Variants in LIMS2 observed in about 807,000 individuals in gnomAD.
LIMS2 encodes LIM and senescent cell antigen-like-containing domain protein 2.
In LIMS2, 30 loss-of-function variants were observed where a neutral mutation model predicts 45.3. The observed-to-expected ratio is 0.66, with a 90% confidence interval of 0.50 to 0.90. LIMS2 has a LOEUF of 0.90. Among genes scored for constraint, LIMS2 ranks in the 40% least tolerant of loss-of-function variants. The pLI is 0.00. For synonymous variants in LIMS2, 173 were observed against 188.0 expected (o/e 0.92, Z 0.65); for missense variants, 485 against 468.7 (o/e 1.03, Z -0.32).
In LIMS2 at chr2:127,641,791, T is replaced by C. The variant is rs2244759; in HGVS notation, c.660+258A>G. 532 of 452,998 alleles carry C rather than the reference T, an allele frequency of 1.2e-3. 1 individual carries two copies. Among genetic ancestry groups the C allele is most frequent in the African/African-American group, 9.3e-3 (462 of 49,876 alleles). The allele number at this position is 452,998 out of a possible 1,614,324, so 28.1% of individuals were successfully genotyped here. A position where few individuals can be genotyped will look rare whatever the true frequency, so the allele number is the denominator to read the frequency against. ...GTTTTCTCCTGACCTTGGAGTCTCT[T>C]AGAATGCCAGCAGGGGGAAGAGGAG... On this transcript the variant is annotated intron_variant, in intron 6 of 9. Transcript: ENST00000355119.
chr2:127,669,154 C>A (rs1426881098), intron 1 of LIMS2, among the ~76,000 whole-genome samples: 1 of 152,128 alleles, frequency 6.6e-6, no homozygotes, highest in Non-Finnish European at 1.5e-5. Context: ...AGTGCCAAGA[C>A]CATTCAATGG....
chr2:127,672,434 A>C lies in LIMS2; in HGVS notation c.11+2580T>G. ...GCCCCTCCATGCCCAGGTGCCTCCC[A>C]CGGCTCCCCCTCAGACTTGCCACAG... On this transcript the variant is annotated intron_variant, in intron 1 of 9. Coordinates refer to ENST00000355119, the MANE Select transcript of LIMS2 (RefSeq NM_001161403.3). The surrounding 1 kb of genome is among the most constrained non-coding windows in gnomAD (Gnocchi z 4.9). 6.6e-6 allele frequency among the ~76,000 whole-genome samples: 1 copy of C among 151,532 alleles called. No individual in the cohort carries two copies. The highest frequency in any genetic ancestry group is 6.6e-5 in the Admixed American group (1 of 15,232).
chr2:127,657,352 A>G (rs1207615516), intron 2 of LIMS2, 51 bp downstream of exon 2: 1 of 1,608,818 alleles, frequency 6.2e-7, no homozygotes, highest in Non-Finnish European at 8.5e-7. Flanking sequence ...ACCCGCTCAT[A>G]GAGGGCAGAC....
intron 1 of LIMS2, among the ~76,000 whole-genome samples, chr2:127,670,937 G>A (rs1685244497): frequency 6.6e-6 from 1 of 152,236 alleles, no homozygotes; most frequent in South Asian, 2.1e-4. Context: ...GTTCATATGT[G>A]TATTCAGTCA....
At chr2:127,659,839 T>C (rs1162846263) in intron 1 of LIMS2, among the ~76,000 whole-genome samples, 4 of 152,224 alleles carry the variant, frequency 2.6e-5, no homozygotes, top group Non-Finnish European at 5.9e-5. Context: ...CAGGAACTGC[T>C]GTTTAGGGCC....
Position 127,654,814 on chromosome 2 carries a change from C to T in LIMS2, c.238+16G>A, listed in dbSNP as rs1423536015. Reference sequence around the variant, plus strand: ...CTTCCCAGGCAGCCCAGGATGTGTACTGTCACCGGCCTTACCGCAGGATCC... The same window carrying T: ...CTTCCCAGGCAGCCCAGGATGTGTATTGTCACCGGCCTTACCGCAGGATCC... On this transcript the variant is annotated intron_variant, in intron 3 of 9. Transcript: ENST00000355119. 1.9e-6 allele frequency: 3 copies of T among 1,613,760 alleles called. No individual in the cohort carries two copies. Among genetic ancestry groups the T allele is most frequent in the Non-Finnish European group, 2.5e-6 (3 of 1,179,700 alleles).
rs1173203504 is a variant in LIMS2, at chr2:127,647,505, G to A, written c.360-4433C>T. ...ACCATGCCAGGCAGAGTGGTCAGTC[G>A]TACCTATGAGCTGCTCTCTCGTGGG... On this transcript the variant is annotated intron_variant, in intron 4 of 9. Coordinates refer to ENST00000355119, the MANE Select transcript of LIMS2 (RefSeq NM_001161403.3). The surrounding 1 kb of genome is among the most constrained non-coding windows in gnomAD (Gnocchi z 4.3). 3.3e-5 allele frequency among the ~76,000 whole-genome samples: 5 copies of A among 152,118 alleles called. No homozygotes were observed. Among genetic ancestry groups the A allele is most frequent in the South Asian group, 2.1e-4 (1 of 4,828 alleles).
In LIMS2 at chr2:127,640,059, C is replaced by T; in HGVS notation, c.878+11G>A. 6.2e-7 allele frequency: 1 copy of T among 1,613,094 alleles called. No individual in the cohort carries two copies. On this transcript the variant is annotated intron_variant, in intron 9 of 9. Coordinates refer to ENST00000355119, the MANE Select transcript of LIMS2 (RefSeq NM_001161403.3). ...CACCCTGAGCCCCATCCCACGATCACAGGGACTCACTTCAGGGTGAGCTTG... is the reference window on the plus strand; with the variant it reads ...CACCCTGAGCCCCATCCCACGATCATAGGGACTCACTTCAGGGTGAGCTTG...
Position 127,653,407 on chromosome 2 carries a change from C to A in LIMS2, c.359+1017G>T, listed in dbSNP as rs1388922348. ...CATTGCGTTTGGGATGCCTGGTGGACACCAAGTGGAGGTGACATGTGGGCA... is the reference window on the plus strand; with the variant it reads ...CATTGCGTTTGGGATGCCTGGTGGAAACCAAGTGGAGGTGACATGTGGGCA... On this transcript the variant is annotated intron_variant, in intron 4 of 9. Transcript: ENST00000355119. This position sits in a 1 kb window ranked among gnomAD's most constrained non-coding sequence, Gnocchi z 5.3. Among the ~76,000 whole-genome samples, 1 of 152,164 alleles carries A rather than the reference C, an allele frequency of 6.6e-6. No homozygotes were observed. The highest frequency in any genetic ancestry group is 1.5e-5 in the Non-Finnish European group (1 of 68,034).
rs756870297 is a variant in LIMS2, at chr2:127,640,918, T to C, written c.731A>G (p.Tyr244Cys). The C allele has an allele frequency of 6.2e-7, 1 of 1,613,850 alleles. No homozygotes were observed. Among genetic ancestry groups the C allele is most frequent in the Non-Finnish European group, 8.5e-7 (1 of 1,179,906 alleles). The change falls in exon 7 of 10, where the codon TAC becomes TGC. Residue 244 changes from tyrosine (Y) to cysteine (C), a missense_variant. Tyr to Cys is a radical substitution (Grantham distance 194, BLOSUM62 -2). Coordinates refer to ENST00000355119, the MANE Select transcript of LIMS2 (RefSeq NM_001161403.3). ...CACCTGGTTGTAGTGAGTCTCGCAG[T>C]AGGCCAGGCCCTTCTTCTCATAGTG... ...HRHYEKKGLA[Y>C]CETHYNQLFG...
intron 6 of LIMS2, 42 bp from the exon 7 acceptor site, chr2:127,641,030 G>A (rs770039649): frequency 6.4e-7 from 1 of 1,552,000 alleles, no homozygotes; most frequent in South Asian, 1.1e-5. Context: ...CAGGGCTAGA[G>A]CGGTGACCCC....
Position 127,650,398 on chromosome 2 carries a change from T to G in LIMS2, c.359+4026A>C, listed in dbSNP as rs187622673. Reference sequence around the variant, plus strand: ...GAGCCTCACCCAGGCAAGGCTCACGTCCCATTCCCCGCCATGGCACTGACC... The same window carrying G: ...GAGCCTCACCCAGGCAAGGCTCACGGCCCATTCCCCGCCATGGCACTGACC... On this transcript the variant is annotated intron_variant, in intron 4 of 9. Coordinates refer to ENST00000355119, the MANE Select transcript of LIMS2 (RefSeq NM_001161403.3). 524 of 533,448 alleles carry G rather than the reference T, an allele frequency of 9.8e-4. 3 individuals are homozygous for G. Among genetic ancestry groups the G allele is most frequent in the East Asian group, 1.5e-3 (46 of 31,368 alleles). 33.0% of individuals were successfully genotyped at this position (533,448 alleles called of 1,614,324 possible). A position where few individuals can be genotyped will look rare whatever the true frequency, so the allele number is the denominator to read the frequency against.
intron 9 of LIMS2, 136 bp downstream of exon 9, chr2:127,639,934 T>G: frequency 1.1e-6 from 1 of 879,666 alleles, no homozygotes; most frequent in Non-Finnish European, 1.8e-6. Context: ...CCCTGGGTGG[T>G]ATAAGGCCGG....
In LIMS2 at chr2:127,647,220, T is replaced by G. The variant is rs1683085048; in HGVS notation, c.360-4148A>C. On this transcript the variant is annotated intron_variant, in intron 4 of 9. Transcript: ENST00000355119. This position sits in a 1 kb window ranked among gnomAD's most constrained non-coding sequence, Gnocchi z 4.3. Reference sequence around the variant, plus strand: ...CATTCTCATTTCATACATGGGCCCCTAAAATGAGGGAGTGGCCCCAGGGCC... The same window carrying G: ...CATTCTCATTTCATACATGGGCCCCGAAAATGAGGGAGTGGCCCCAGGGCC... Among the ~76,000 whole-genome samples the G allele has an allele frequency of 6.6e-6, 1 of 152,086 alleles. No individual in the cohort carries two copies. Among genetic ancestry groups the G allele is most frequent in the African/African-American group, 2.4e-5 (1 of 41,422 alleles).
rs79485780 is a variant in LIMS2 at position 127,674,960 on chromosome 2, A to G, written c.11+54T>C. On this transcript the variant is annotated intron_variant, in intron 1 of 9. Coordinates refer to ENST00000355119, the MANE Select transcript of LIMS2 (RefSeq NM_001161403.3). ...TACGAGGGCGAGCTGCGCCTCGGCCAGGGGTCCCGCAGTCCCGCCTCCCCG... is the reference window on the plus strand; with the variant it reads ...TACGAGGGCGAGCTGCGCCTCGGCCGGGGGTCCCGCAGTCCCGCCTCCCCG... 216,842 of 1,226,174 alleles carry G rather than the reference A, an allele frequency of 0.18. 19,765 individuals carry two copies. Among genetic ancestry groups the G allele is most frequent in the South Asian group, 0.25 (6,082 of 24,276 alleles). 76.0% of individuals were successfully genotyped at this position (1,226,174 alleles called of 1,614,324 possible).
rs188904374 is a variant in LIMS2, at chr2:127,672,323, G to A, written c.11+2691C>T. On this transcript the variant is annotated intron_variant, in intron 1 of 9. Transcript: ENST00000355119. This position sits in a 1 kb window ranked among gnomAD's most constrained non-coding sequence, Gnocchi z 4.9. ...GCAAAGTCCCTGAGTTGCTGCTGAG[G>A]CCGAGCCCCCTCTCTTCCCACGGCG... 1.3e-5 allele frequency among the ~76,000 whole-genome samples: 2 copies of A among 152,224 alleles called. No individual in the cohort carries two copies. The highest frequency in any genetic ancestry group is 4.8e-5 in the African/African-American group (2 of 41,522).
intron 1 of LIMS2, among the ~76,000 whole-genome samples, chr2:127,669,797 T>C (rs565051765): frequency 6.6e-6 from 1 of 152,084 alleles, no homozygotes; most frequent in South Asian, 2.1e-4. Flanking sequence ...AATTCAACAA[T>C]AAAAAGACAA....
chr2:127,663,678 T>C (rs1239019110), intron 1 of LIMS2, among the ~76,000 whole-genome samples: 2 of 114,738 alleles, frequency 1.7e-5, no homozygotes, highest in Non-Finnish European at 1.7e-5. Context: ...CCAGGGTCCC[T>C]ATCTGTCACC....
Position 127,642,264 on chromosome 2 carries a change from C to G in LIMS2, c.510-65G>C. On this transcript the variant is annotated intron_variant, in intron 5 of 9. Coordinates refer to ENST00000355119, the MANE Select transcript of LIMS2 (RefSeq NM_001161403.3). The surrounding 1 kb of genome is among the most constrained non-coding windows in gnomAD (Gnocchi z 5.3). ...CTTCTGCAGGGTCATGCCAGCAGCG[C>G]CTCCACCCCAGGGCACGGCTCCCCG... 1 of 1,425,542 alleles carries G rather than the reference C, an allele frequency of 7.0e-7. No individual in the cohort carries two copies. The highest frequency in any genetic ancestry group is 9.2e-7 in the Non-Finnish European group (1 of 1,084,088). The allele number at this position is 1,425,542 out of a possible 1,614,324, so 88.3% of individuals were successfully genotyped here.
Sources: gnomAD v4.1 joint callset for allele counts (sites outside exome capture counted in the v4.1 genomes callset) on GRCh38, gnomAD v4.1.1 for gene constraint, Gnocchi (gnomAD v3.1) non-coding constraint, MANE v1.5 for transcripts, NCBI Gene and HGNC (gene_info 2026-07-23, HGNC 2026-07-21) for gene names.